Variants in TMEM94 observed in about 807,000 individuals in gnomAD.
The protein encoded by TMEM94 is transmembrane protein 94.
Under a neutral mutation model 158.6 loss-of-function variants are expected in TMEM94, and 81 were observed. The ratio of observed to expected loss-of-function variants is 0.51; its 90% confidence interval spans 0.43 to 0.61. The LOEUF (loss-of-function observed/expected upper bound fraction) is 0.61, where lower values mean the gene tolerates loss of function less well. Ranked by LOEUF, TMEM94 falls within the 20% of genes least tolerant of loss-of-function variation. The pLI is 0.00. For synonymous variants in TMEM94, 751 were observed against 730.7 expected, an observed-to-expected ratio of 1.03 and a Z score of -0.45; for missense variants, 1,435 against 1,762.0, an observed-to-expected ratio of 0.81 and a Z score of 3.32.
rs757421557 is a variant in TMEM94, at chr17:75,494,959, G to A, written c.2653G>A (p.Gly885Ser). The A allele has an allele frequency of 3.7e-6, 6 of 1,613,472 alleles. No individual in the cohort carries two copies. In the Admixed American group the frequency reaches 8.3e-5, roughly 22 times the overall value. ...CTGCCACATCTCCCTCACACCCAAT[G>A]GTGACATGCCTGGCTCCGAGATCCC... is the stretch of plus-strand genomic sequence containing the variant. ...WNCHISLTPN[G>S]DMPGSEIPPS... Residue 885 changes from glycine (G) to serine (S), a missense_variant, in exon 20 of 32, where the codon GGT (glycine) becomes AGT (serine). Coordinates refer to ENST00000314256, the MANE Select transcript of TMEM94 (RefSeq NM_014738.6).
At position 75,495,874 on chromosome 17, in the gene TMEM94, C is replaced by T. The variant is rs2052631743; in HGVS notation, c.2945-92C>T. On this transcript the variant is annotated intron_variant, in intron 22 of 31. Coordinates refer to ENST00000314256, the MANE Select transcript of TMEM94 (RefSeq NM_014738.6). The surrounding 1 kb of genome is among the most constrained non-coding windows in gnomAD (Gnocchi z 5.6). ...TTTCAAAGAGGGGCCCACCTCCCAT[C>T]GCCTCCTGCTCTCCTGTCCCATGGG... The T allele has an allele frequency of 4.2e-6, 4 of 960,328 alleles. No homozygotes were observed. The highest frequency in any genetic ancestry group is 3.2e-6 in the Non-Finnish European group (2 of 617,174). The allele number at this position is 960,328 out of a possible 1,614,324, so 59.5% of individuals were successfully genotyped here. A position where few individuals can be genotyped will look rare whatever the true frequency, so the allele number is the denominator to read the frequency against.
chr17:75,478,004 T>C (rs942136188), intron 2 of TMEM94, among the ~76,000 whole-genome samples: 2 of 56,356 alleles, frequency 3.5e-5, no homozygotes, highest in Non-Finnish European at 7.5e-5. Context: ...AGACTCCATC[T>C]TTTTTTTTTT....
In TMEM94 at chr17:75,493,478, C is replaced by A. The variant is rs1598421244; in HGVS notation, c.2087-13C>A. The A allele has an allele frequency of 9.3e-6, 15 of 1,612,890 alleles. No homozygotes were observed. In the East Asian group the frequency reaches 3.3e-4, roughly 36 times the overall value. ...TGGTTAGCGACACTCAGGGTTTGAACTCTCTCCCCCAGGCACAGAGCAGAT... is the reference window on the plus strand; with the variant it reads ...TGGTTAGCGACACTCAGGGTTTGAAATCTCTCCCCCAGGCACAGAGCAGAT... On this transcript the variant is annotated splice_polypyrimidine_tract_variant and intron_variant, in intron 16 of 31. Transcript: ENST00000314256.
At chr17:75,463,123 TATAC>T (rs1236574841) in intron 1 of TMEM94, among the ~76,000 whole-genome samples, 2 of 4,502 alleles carry the variant, frequency 4.4e-4, no homozygotes, top group Non-Finnish European at 1.6e-3. Context: ...TATGTATATA[TATAC>T]GTGTATATAT....
chr17:75,496,222 T>C, intron 23 of TMEM94, 60 bp from the exon 24 acceptor site: 1 of 1,605,578 alleles, frequency 6.2e-7, no homozygotes, highest in Admixed American at 1.7e-5. Flanking sequence ...GAGAAGAGGG[T>C]GGGGTGCCCA....
intron 1 of TMEM94, among the ~76,000 whole-genome samples, 196 bp downstream of exon 1, chr17:75,456,947 C>T (rs1488366504): frequency 6.6e-6 from 1 of 152,186 alleles, no homozygotes; most frequent in Non-Finnish European, 1.5e-5. Context: ...TGCCTTCCCC[C>T]GAGTCTTCAG....
Position 75,497,782 on chromosome 17 carries a change from A to G in TMEM94, c.3409A>G (p.Ile1137Val). 6.2e-7 allele frequency: 1 copy of G among 1,613,086 alleles called. No individual in the cohort carries two copies. ...LSCFCYPLLS[I>V]SLLGKPPHSS... ...CTCTACCTGATCTCTGCTTTTCAGC[A>G]TCTCTCTGCTGGGGAAGCCCCCCCA... Residue 1137 changes from isoleucine (I) to valine (V), a missense_variant and splice_region_variant, in exon 27 of 32, where the codon ATC becomes GTC. Coordinates refer to ENST00000314256, the MANE Select transcript of TMEM94 (RefSeq NM_014738.6).
At chr17:75,497,542 T>C (rs190363185) in intron 26 of TMEM94, among the ~76,000 whole-genome samples, 5 of 152,064 alleles carry the variant, frequency 3.3e-5, no homozygotes, top group Admixed American at 3.3e-4. Flanking sequence ...TTAGTAGAGA[T>C]GGGTTTTTGC....
At chr17:75,483,367 A>G (rs2051325272) in intron 2 of TMEM94, among the ~76,000 whole-genome samples, 1 of 152,104 alleles carries the variant, frequency 6.6e-6, no homozygotes, top group Non-Finnish European at 1.5e-5. Context: ...GCCAGGGTCA[A>G]GAATGTTCTA....
Position 75,492,677 on chromosome 17 carries a change from G to C in TMEM94, c.1800G>C (p.Glu600Asp). The C allele has an allele frequency of 6.2e-7, 1 of 1,613,774 alleles. No homozygotes were observed. Among genetic ancestry groups the C allele is most frequent in the Non-Finnish European group, 8.5e-7 (1 of 1,180,006 alleles). ...ACCTGTGTGATGCCAGCGTCACCGA[G>C]CGCCTGTGCCGATTCTCCGACCACC... ...LLNLCDASVT[E>D]RLCRFSDHLC... The change falls in exon 15 of 32, where the codon GAG becomes GAC. Residue 600 changes from glutamate (E) to aspartate (D), a missense_variant. Around this residue, in one of 3 missense-constraint regions of TMEM94, gnomAD observed 1,051 missense variants for 1,254.4 expected, o/e 0.84. Coordinates refer to ENST00000314256, the MANE Select transcript of TMEM94 (RefSeq NM_014738.6). The surrounding 1 kb of genome is among the most constrained non-coding windows in gnomAD (Gnocchi z 4.4).
At chr17:75,472,681 C>G (rs1411649190) in intron 2 of TMEM94, among the ~76,000 whole-genome samples, 1 of 152,228 alleles carries the variant, frequency 6.6e-6, no homozygotes, top group Non-Finnish European at 1.5e-5. Context: ...CTCCACATGG[C>G]TGCCACAAAA....
chr17:75,489,429 G>C lies in TMEM94; in HGVS notation c.867+61G>C. ...CAGAGGAGAGGGCTGGACACGGGGG[G>C]GTCTCAGGGCCACTCACATGAGCGG... On this transcript the variant is annotated intron_variant, in intron 8 of 31. Transcript: ENST00000314256. This position sits in a 1 kb window ranked among gnomAD's most constrained non-coding sequence, Gnocchi z 5.0. The C allele has an allele frequency of 1.3e-5, 20 of 1,546,038 alleles. No individual in the cohort carries two copies. The highest frequency in any genetic ancestry group is 1.7e-5 in the Non-Finnish European group (19 of 1,118,948).
Position 75,490,419 on chromosome 17 carries a change from CG to C in TMEM94, c.1071+74del. ...AGAGGGAGCTGGCTGTGCCAGAGGA[CG>C]GGGGCAGAAGTCCAGCCCCACCTTG... On this transcript the variant is annotated intron_variant, in intron 10 of 31. Transcript: ENST00000314256. The C allele has an allele frequency of 1.2e-5, 19 of 1,544,286 alleles. No individual in the cohort carries two copies. In the South Asian group the frequency reaches 2.0e-4, roughly 16 times the overall value.
In TMEM94 at chr17:75,485,516, T is replaced by G; in HGVS notation, c.113T>G (p.Leu38Arg). The change falls in exon 3 of 32, where the codon CTC (leucine) becomes CGC (arginine). Residue 38 changes from leucine (L) to arginine (R), a missense_variant. This residue lies in a region of TMEM94 where 1,051 missense variants were observed against 1,254.4 expected (regional missense o/e 0.84). Coordinates refer to ENST00000314256, the MANE Select transcript of TMEM94 (RefSeq NM_014738.6). The surrounding 1 kb of genome is among the most constrained non-coding windows in gnomAD (Gnocchi z 5.5). ...EQLEAVLEGH[L>R]RERKKCLTWK... ...CTGGAGGCAGTGCTGGAAGGACATCTCAGGGAGCGGAAGAAGTGTCTGACG... is the reference window on the plus strand; with the variant it reads ...CTGGAGGCAGTGCTGGAAGGACATCGCAGGGAGCGGAAGAAGTGTCTGACG... The G allele has an allele frequency of 6.2e-7, 1 of 1,614,142 alleles. No homozygotes were observed. The highest frequency in any genetic ancestry group is 8.5e-7 in the Non-Finnish European group (1 of 1,180,002).
chr17:75,486,688 T>C (rs932649759), intron 5 of TMEM94, among the ~76,000 whole-genome samples: 1 of 151,942 alleles, frequency 6.6e-6, no homozygotes, highest in Non-Finnish European at 1.5e-5. Flanking sequence ...CTGGCTCACG[T>C]TGGGAAACCA....
chr17:75,489,866 G>A lies in TMEM94; in HGVS notation c.954+204G>A, dbSNP rs2146673746. 1.7e-6 allele frequency: 1 copy of A among 605,648 alleles called. No individual in the cohort carries two copies. The highest frequency in any genetic ancestry group is 1.8e-5 in the African/African-American group (1 of 54,164). The allele number at this position is 605,648 out of a possible 1,614,324, so 37.5% of individuals were successfully genotyped here. ...GAGGCCACGGCAGGCAGATCATGAG[G>A]TCAAGAGATCGAGACCATCCTGGCC... On this transcript the variant is annotated intron_variant, in intron 9 of 31. Coordinates refer to ENST00000314256, the MANE Select transcript of TMEM94 (RefSeq NM_014738.6). This position sits in a 1 kb window ranked among gnomAD's most constrained non-coding sequence, Gnocchi z 5.0.
chr17:75,496,136 G>A lies in TMEM94; in HGVS notation c.3053+62G>A, dbSNP rs567658662. 4 of 1,509,172 alleles carry A rather than the reference G, an allele frequency of 2.7e-6. No individual in the cohort carries two copies. In the African/African-American group the frequency reaches 5.5e-5, roughly 21 times the overall value. 93.5% of individuals were successfully genotyped at this position (1,509,172 alleles called of 1,614,324 possible). ...TACCTCCCAGACCGGAGGATCAGAT[G>A]GGCCTGCGTGGGGCTGGGGGTGTGT... On this transcript the variant is annotated intron_variant, in intron 23 of 31. Transcript: ENST00000314256.
At chr17:75,490,612 G>A (rs2052079301) in intron 10 of TMEM94, 90 bp from the exon 11 acceptor site, 18 of 1,227,534 alleles carry the variant, frequency 1.5e-5, no homozygotes, top group Non-Finnish European at 2.0e-5. Context: ...TGGGAGCCCC[G>A]CTGGTGTGGG....
intron 1 of TMEM94, among the ~76,000 whole-genome samples, chr17:75,470,222 A>T (rs905615246): frequency 5.3e-5 from 8 of 152,076 alleles, no homozygotes; most frequent in African/African-American, 1.9e-4. Flanking sequence ...GTAGTCCCAG[A>T]ACTTTTAAGA....
Sources: gnomAD v4.1 joint callset for allele counts (sites outside exome capture counted in the v4.1 genomes callset) on GRCh38, gnomAD v4.1.1 for gene constraint, gnomAD v4.1.1 regional missense constraint, Gnocchi (gnomAD v3.1) non-coding constraint, MANE v1.5 for transcripts, NCBI Gene and HGNC (gene_info 2026-07-23, HGNC 2026-07-21) for gene names.